Variants in PAMR1 observed in about 807,000 individuals in gnomAD.
PAMR1 encodes peptidase domain containing associated with muscle regeneration 1.
A neutral mutation model predicts 81.8 loss-of-function variants in PAMR1; 88 were observed. The observed-to-expected ratio is 1.08, with a 90% CI of 0.91 to 1.28. The LOEUF (loss-of-function observed/expected upper bound fraction) is 1.28, where lower values mean the gene tolerates loss of function less well. Ranked by LOEUF, PAMR1 falls within the 50% of genes most tolerant of loss-of-function variation. The pLI, the probability that PAMR1 is intolerant of heterozygous loss-of-function variation, is 0.00. For synonymous variants in PAMR1, 336 were observed against 345.3 expected, an observed-to-expected ratio of 0.97 and a Z score of 0.30; for missense variants, 935 against 919.7, an observed-to-expected ratio of 1.02 and a Z score of -0.21.
At chr11:35,476,138 A>G (rs1174991474) in intron 3 of PAMR1, among the ~76,000 whole-genome samples, 2 of 152,200 alleles carry the variant, frequency 1.3e-5, no homozygotes, top group Non-Finnish European at 2.9e-5. Context: ...CATACAATCT[A>G]TCTCTTCACT....
chr11:35,518,050 C>T (rs190938190), intron 1 of PAMR1, among the ~76,000 whole-genome samples: 40 of 152,238 alleles, frequency 2.6e-4, no homozygotes, highest in East Asian at 1.2e-3. Flanking sequence ...CTCATTTCCA[C>T]GAGGGCTTGA....
intron 1 of PAMR1, among the ~76,000 whole-genome samples, chr11:35,522,165 G>A (rs932394338): frequency 1.9e-4 from 29 of 152,104 alleles, no homozygotes; most frequent in Non-Finnish European, 2.9e-4. Context: ...CTCGTGATCT[G>A]CCCGCCCTGG....
At chr11:35,455,852 G>A (rs1230647373) in intron 6 of PAMR1, among the ~76,000 whole-genome samples, 2 of 151,002 alleles carry the variant, frequency 1.3e-5, no homozygotes, top group Non-Finnish European at 2.9e-5. Context: ...ATTCTACTAA[G>A]GTGCTTTATA....
At chr11:35,524,448 T>A (rs1390586938) in intron 1 of PAMR1, among the ~76,000 whole-genome samples, 1 of 152,136 alleles carries the variant, frequency 6.6e-6, no homozygotes, top group Non-Finnish European at 1.5e-5. Flanking sequence ...GGTTATTGCA[T>A]TTAGTATCCT....
intron 1 of PAMR1, among the ~76,000 whole-genome samples, chr11:35,503,106 T>C (rs1314838650): frequency 1.3e-5 from 2 of 152,154 alleles, no homozygotes; most frequent in African/African-American, 4.8e-5. Flanking sequence ...CTTTTCCCCA[T>C]TGTATGTTCT....
chr11:35,463,541 G>A (rs967725044), intron 6 of PAMR1, among the ~76,000 whole-genome samples: 1 of 152,200 alleles, frequency 6.6e-6, no homozygotes, highest in African/African-American at 2.4e-5. Context: ...GACCCATTTT[G>A]TTGTTGTGTT....
At chr11:35,433,792 C>CTGGATGGA (rs1855967865) in intron 10 of PAMR1, among the ~76,000 whole-genome samples, 2 of 129,618 alleles carry the variant, frequency 1.5e-5, no homozygotes, top group South Asian at 4.9e-4. Context: ...GGATCGATGG[C>CTGGATGGA]TGGATGGATG....
At chr11:35,440,108 T>C (rs1420064230) in intron 7 of PAMR1, among the ~76,000 whole-genome samples, 2 of 152,222 alleles carry the variant, frequency 1.3e-5, no homozygotes, top group Non-Finnish European at 2.9e-5. Flanking sequence ...GTGTCAACCA[T>C]AGATAAGTCT....
chr11:35,442,604 TC>T (rs1856197081), intron 6 of PAMR1, among the ~76,000 whole-genome samples: 2 of 151,970 alleles, frequency 1.3e-5, no homozygotes, highest in South Asian at 4.2e-4. Context: ...TTTTTCTTTT[TC>T]TTTTTTTATT....
intron 6 of PAMR1, among the ~76,000 whole-genome samples, chr11:35,465,556 T>A (rs1856741962): frequency 6.6e-6 from 1 of 152,252 alleles, no homozygotes; most frequent in South Asian, 2.1e-4. Context: ...GCCATAGCCA[T>A]TTTTTGTGAC....
chr11:35,453,336 T>C (rs1013790174), intron 6 of PAMR1: 1 of 152,258 alleles, frequency 6.6e-6, no homozygotes, highest in Non-Finnish European at 1.5e-5. Context: ...GGGCTCCTGG[T>C]AATGTCTACC....
intron 6 of PAMR1, among the ~76,000 whole-genome samples, chr11:35,464,140 CT>C (rs1427378647): frequency 6.6e-6 from 1 of 152,126 alleles, no homozygotes; most frequent in African/African-American, 2.4e-5. Flanking sequence ...AAAAATATTT[CT>C]ATGTATGAAC....
At chr11:35,492,737 C>T (rs1219472460) in intron 2 of PAMR1, among the ~76,000 whole-genome samples, 1 of 152,180 alleles carries the variant, frequency 6.6e-6, no homozygotes, top group Non-Finnish European at 1.5e-5. Context: ...AAACAACTCT[C>T]CTGTCTAACA....
chr11:35,449,840 G>A (rs1358701874), intron 6 of PAMR1, among the ~76,000 whole-genome samples: 1 of 152,120 alleles, frequency 6.6e-6, no homozygotes, highest in African/African-American at 2.4e-5. Flanking sequence ...TGGCTGGGGT[G>A]GGAGTTTGCC....
intron 6 of PAMR1, among the ~76,000 whole-genome samples, chr11:35,460,021 G>T (rs761030352): frequency 2.0e-4 from 31 of 152,250 alleles, no homozygotes; most frequent in Non-Finnish European, 3.7e-4. Context: ...ATTAACGATA[G>T]AGAGAATAAT....
intron 1 of PAMR1, among the ~76,000 whole-genome samples, chr11:35,521,547 T>C (rs982888106): frequency 2.6e-5 from 4 of 152,320 alleles, no homozygotes; most frequent in Admixed American, 6.5e-5. Flanking sequence ...TCCTACTAAA[T>C]AAATTCTGCA....
At chr11:35,475,544 C>A (rs1313326370) in intron 3 of PAMR1, among the ~76,000 whole-genome samples, 1 of 152,214 alleles carries the variant, frequency 6.6e-6, no homozygotes, top group African/African-American at 2.4e-5. Context: ...ATCATGTTTT[C>A]TAGTGTTAAG....
intron 3 of PAMR1, among the ~76,000 whole-genome samples, chr11:35,483,393 C>T (rs1038160653): frequency 1.3e-5 from 2 of 152,142 alleles, no homozygotes; most frequent in African/African-American, 2.4e-5. Flanking sequence ...TCTCCTGCTT[C>T]GTAGCCTCAT....
At chr11:35,472,277 G>A (rs1850201671) in intron 4 of PAMR1, among the ~76,000 whole-genome samples, 1 of 152,208 alleles carries the variant, frequency 6.6e-6, no homozygotes, top group South Asian at 2.1e-4. Context: ...CCACCTGACA[G>A]AAGCCACAGT....
Sources: allele counts gnomAD v4.1 joint callset (sites outside exome capture counted in the v4.1 genomes callset), GRCh38; gene constraint gnomAD v4.1.1; transcripts MANE v1.5; gene names NCBI Gene and HGNC (gene_info 2026-07-23, HGNC 2026-07-21).